Variants in LRP11 observed in about 807,000 individuals in gnomAD.
LRP11 encodes the protein LDL receptor related protein 11.
Under a neutral mutation model 43.1 loss-of-function variants are expected in LRP11, and 25 were observed. The ratio of observed to expected loss-of-function variants is 0.58; its 90% confidence interval spans 0.42 to 0.81. The LOEUF is 0.81. Among genes scored for constraint, LRP11 ranks in the 30% least tolerant of loss-of-function variants. The pLI is 0.00. For missense variants in LRP11, 623 were observed against 665.1 expected, an observed-to-expected ratio of 0.94 and a Z score of 0.70; for synonymous variants, 316 against 299.4, an observed-to-expected ratio of 1.06 and a Z score of -0.57.
chr6:149,850,049 G>A (rs918374991), intron 2 of LRP11, among the ~76,000 whole-genome samples: 1 of 152,162 alleles, frequency 6.6e-6, no homozygotes, highest in Non-Finnish European at 1.5e-5. Context: ...GATGAGAGGA[G>A]GGATGAATGG....
intron 2 of LRP11, among the ~76,000 whole-genome samples, chr6:149,844,201 C>T (rs567189750): frequency 1.4e-5 from 2 of 147,336 alleles, no homozygotes; most frequent in Admixed American, 1.4e-4. Flanking sequence ...TGTAGTGTGC[C>T]AAGATCACCC....
rs1491456220 is a variant in LRP11 at position 149,859,397 on chromosome 6, T to TATATATATATATATATATATATATATA, written c.613+4010_613+4011insTATATATATATATATATATATATATAT. On this transcript the variant is annotated intron_variant, in intron 1 of 6. Coordinates refer to ENST00000239367, the MANE Select transcript of LRP11 (RefSeq NM_032832.6). ...TGACTCATATATATATATATATATA[T>TATATATATATATATATATATATATATA]TTTTTTTTTTTTTTTTTTGACCGAG... Among the ~76,000 whole-genome samples, 28 of 72,856 alleles carry TATATATATATATATATATATATATATA rather than the reference T, an allele frequency of 3.8e-4. 1 individual carries two copies. The highest frequency in any genetic ancestry group is 1.1e-3 in the South Asian group (2 of 1,748). The allele number at this position is 72,856 out of a possible 152,430, so 47.8% of individuals were successfully genotyped here.
rs1776383280 is a variant in LRP11, at chr6:149,829,587, A to T, written c.1253-3228T>A. Among the ~76,000 whole-genome samples the T allele has an allele frequency of 4.6e-5, 7 of 151,806 alleles. No individual in the cohort carries two copies. In the South Asian group the frequency reaches 1.5e-3, roughly 31 times the overall value. ...AAAAATAAATAAAATAAAATAAAAT[A>T]AAAATAAAAATAAAATTAAAAATGA... is the stretch of plus-strand genomic sequence containing the variant. On this transcript the variant is annotated intron_variant, in intron 5 of 6. Coordinates refer to ENST00000239367, the MANE Select transcript of LRP11 (RefSeq NM_032832.6).
At chr6:149,862,467 G>C (rs9371502) in intron 1 of LRP11, among the ~76,000 whole-genome samples, 9 of 151,872 alleles carry the variant, frequency 5.9e-5, no homozygotes, top group African/African-American at 2.2e-4. Context: ...TGTGCCTCCT[G>C]TATGTGTCCT....
intron 2 of LRP11, among the ~76,000 whole-genome samples, chr6:149,848,466 T>C (rs969149060): frequency 2.6e-5 from 4 of 152,140 alleles, no homozygotes; most frequent in Non-Finnish European, 4.4e-5. Flanking sequence ...ATAGCAAAGA[T>C]ATGGAATCAA....
At chr6:149,839,858 T>C in intron 3 of LRP11, among the ~76,000 whole-genome samples, 1 of 152,310 alleles carries the variant, frequency 6.6e-6, no homozygotes, top group East Asian at 1.9e-4. Context: ...CATACTACTG[T>C]ACTAACATGG....
rs574240882 is a variant in LRP11 at position 149,840,386 on chromosome 6, A to G, written c.913+2597T>C. On this transcript the variant is annotated intron_variant, in intron 3 of 6. Coordinates refer to ENST00000239367, the MANE Select transcript of LRP11 (RefSeq NM_032832.6). ...ATATAAAGTTACCCACACAAGACCT[A>G]TACTCAAGCGGCCACTGAGTAATCA... Among the ~76,000 whole-genome samples the G allele has an allele frequency of 2.0e-5, 3 of 152,330 alleles. No homozygotes were observed. The East Asian group carries it at 5.8e-4, about 29-fold the overall frequency.
chr6:149,820,421 A>T lies in LRP11; in HGVS notation c.*128T>A. The T allele has an allele frequency of 2.0e-6, 1 of 487,808 alleles. No homozygotes were observed. Among genetic ancestry groups the T allele is most frequent in the Non-Finnish European group, 3.7e-6 (1 of 271,816 alleles). 30.2% of individuals were successfully genotyped at this position (487,808 alleles called of 1,614,324 possible). A position where few individuals can be genotyped will look rare whatever the true frequency, so the allele number is the denominator to read the frequency against. On this transcript the variant is annotated 3_prime_UTR_variant, in exon 7 of 7. Transcript: ENST00000239367. ...CTTTTTTTACAATAAATAATAAAGAAAGATTTGGGATTTGCAGAATCTTCT... is the reference window on the plus strand; with the variant it reads ...CTTTTTTTACAATAAATAATAAAGATAGATTTGGGATTTGCAGAATCTTCT...
chr6:149,859,394 A>ATTTTTTTTTTTTTTT (rs1194880373), intron 1 of LRP11, among the ~76,000 whole-genome samples: 1 of 73,874 alleles, frequency 1.4e-5, no homozygotes, highest in African/African-American at 8.9e-5. Context: ...ATATATATAT[A>ATTTTTTTTTTTTTTT]TATTTTTTTT....
At chr6:149,834,724 C>G (rs559536798) in intron 5 of LRP11, among the ~76,000 whole-genome samples, 17 of 152,300 alleles carry the variant, frequency 1.1e-4, no homozygotes, top group African/African-American at 4.1e-4. Context: ...CAGTACCAAC[C>G]AGGAATGGAC....
intron 1 of LRP11, among the ~76,000 whole-genome samples, chr6:149,859,394 A>ATTTTTTT (rs1194880373): frequency 3.8e-4 from 28 of 73,848 alleles, no homozygotes; most frequent in African/African-American, 2.3e-3. Context: ...ATATATATAT[A>ATTTTTTT]TATTTTTTTT....
At chr6:149,859,983 TGACACTGCCAACCAG>T (rs2115424073) in intron 1 of LRP11, among the ~76,000 whole-genome samples, 2 of 152,304 alleles carry the variant, frequency 1.3e-5, no homozygotes, top group Admixed American at 1.3e-4. Flanking sequence ...GTACTTTCCC[TGACACTGCCAACCAG>T]TTATCTTACT....
At chr6:149,857,406 T>C (rs925265205) in intron 1 of LRP11, among the ~76,000 whole-genome samples, 6 of 151,664 alleles carry the variant, frequency 4.0e-5, no homozygotes, top group African/African-American at 1.5e-4. Flanking sequence ...CACATGCCTA[T>C]AGTCCCAGTT....
chr6:149,842,598 C>T, intron 3 of LRP11: 1 of 1,543,258 alleles, frequency 6.5e-7, no homozygotes, highest in Non-Finnish European at 8.8e-7. Flanking sequence ...ATTCCACTCT[C>T]TGCTTCCACG....
At chr6:149,837,249 C>G in intron 4 of LRP11, 89 bp downstream of exon 4, 2 of 1,400,872 alleles carry the variant, frequency 1.4e-6, no homozygotes, top group Admixed American at 4.2e-5. Context: ...AGGGGAAGGA[C>G]ACTGTGTTTG....
intron 1 of LRP11, among the ~76,000 whole-genome samples, chr6:149,859,397 T>TATATATATATATATATA (rs1491456220): frequency 2.2e-4 from 16 of 72,938 alleles, no homozygotes; most frequent in South Asian, 5.7e-4. Context: ...TATATATATA[T>TATATATATATATATATA]TTTTTTTTTT....
rs1276549010 is a variant in LRP11, at chr6:149,863,984, G to A, written c.37C>T (p.Arg13Cys). Residue 13 changes from arginine (R) to cysteine (C), a missense_variant, in exon 1 of 7, where the codon CGC (arginine) becomes TGC (cysteine). Coordinates refer to ENST00000239367, the MANE Select transcript of LRP11 (RefSeq NM_032832.6). ...GCCCCGTGACGCGGCGGTAGCCGGC[G>A]CTGCGAGCCCGCGCTCTCCTGGGCG... ...SVAQESAGSQRRLPPRHGALR... is the reference protein window; with the variant it reads ...SVAQESAGSQCRLPPRHGALR... 4 of 1,405,086 alleles carry A rather than the reference G, an allele frequency of 2.8e-6. No individual in the cohort carries two copies. In the Admixed American group the frequency reaches 9.7e-5, roughly 34 times the overall value. The allele number at this position is 1,405,086 out of a possible 1,614,324, so 87.0% of individuals were successfully genotyped here. A position where few individuals can be genotyped will look rare whatever the true frequency, so the allele number is the denominator to read the frequency against.
intron 2 of LRP11, among the ~76,000 whole-genome samples, chr6:149,851,758 A>C (rs1189296107): frequency 6.6e-6 from 1 of 152,130 alleles, no homozygotes; most frequent in Non-Finnish European, 1.5e-5. Context: ...TTTGGAGGAG[A>C]GGCTGGGAAG....
chr6:149,859,396 A>ATATATATATTTTTT lies in LRP11; in HGVS notation c.613+4011_613+4012insAAAAAATATATATA. Among the ~76,000 whole-genome samples, 4 of 71,496 alleles carry ATATATATATTTTTT rather than the reference A, an allele frequency of 5.6e-5. 1 individual carries two copies. Among genetic ancestry groups the ATATATATATTTTTT allele is most frequent in the African/African-American group, 3.3e-4 (4 of 12,236 alleles). The allele number at this position is 71,496 out of a possible 152,430, so 46.9% of individuals were successfully genotyped here. A position where few individuals can be genotyped will look rare whatever the true frequency, so the allele number is the denominator to read the frequency against. ...CTGACTCATATATATATATATATAT[A>ATATATATATTTTTT]TTTTTTTTTTTTTTTTTTTGACCGA... is the stretch of plus-strand genomic sequence containing the variant. On this transcript the variant is annotated intron_variant, in intron 1 of 6. Coordinates refer to ENST00000239367, the MANE Select transcript of LRP11 (RefSeq NM_032832.6).
Sources: allele counts gnomAD v4.1 joint callset (sites outside exome capture counted in the v4.1 genomes callset), GRCh38; gene constraint gnomAD v4.1.1; transcripts MANE v1.5; gene names NCBI Gene and HGNC (gene_info 2026-07-23, HGNC 2026-07-21).